DPP10: variants seen among roughly 807,000 people sequenced by gnomAD.
DPP10 encodes the protein inactive dipeptidyl peptidase 10.
DPP10 carries 33 observed loss-of-function variants against 120.9 expected under a neutral mutation model. The ratio of observed to expected loss-of-function variants is 0.27; its 90% CI spans 0.21 to 0.37. The LOEUF (loss-of-function observed/expected upper bound fraction) is 0.37. Ranked by LOEUF, DPP10 falls within the 10% of genes least tolerant of loss-of-function variation. The pLI is 1.00. For missense variants in DPP10, 816 were observed against 942.8 expected (o/e 0.87, Z 1.76); for synonymous variants, 337 against 326.1 (o/e 1.03, Z -0.36).
At chr2:115,196,825 T>C (rs1018181416) in intron 1 of DPP10, among the ~76,000 whole-genome samples, 2 of 152,182 alleles carry the variant, frequency 1.3e-5, no homozygotes, top group South Asian at 4.1e-4. Flanking sequence ...CTAACTGTCC[T>C]GAAGAAGCTT....
intron 1 of DPP10, among the ~76,000 whole-genome samples, chr2:114,572,307 T>C (rs567766306): frequency 1.8e-4 from 28 of 152,240 alleles, no homozygotes; most frequent in African/African-American, 6.0e-4. Flanking sequence ...CCTAGATGAG[T>C]ATGAAAACAG....
At chr2:114,939,873 T>C (rs1334129737) in intron 1 of DPP10, among the ~76,000 whole-genome samples, 1 of 152,170 alleles carries the variant, frequency 6.6e-6, no homozygotes, top group African/African-American at 2.4e-5. Flanking sequence ...AAATATTTGA[T>C]TTCAGTTTGT....
chr2:115,102,872 A>T lies in DPP10; in HGVS notation c.61-206367A>T, dbSNP rs116675176. On this transcript the variant is annotated intron_variant, in intron 1 of 25. Transcript: ENST00000410059. Reference sequence around the variant, plus strand: ...GACAGTGTCTGAAGCCGTGGCAGCCACTCTGTGGCTATGTAACAACAAACC... The same window carrying T: ...GACAGTGTCTGAAGCCGTGGCAGCCTCTCTGTGGCTATGTAACAACAAACC... Among the ~76,000 whole-genome samples the T allele has an allele frequency of 7.4e-3, 1,120 of 152,194 alleles. 10 individuals carry two copies. Among genetic ancestry groups the T allele is most frequent in the African/African-American group, 0.026 (1,074 of 41,524 alleles).
intron 19 of DPP10, among the ~76,000 whole-genome samples, chr2:115,811,526 AT>A (rs1326868579): frequency 6.6e-6 from 1 of 152,224 alleles, no homozygotes; most frequent in Non-Finnish European, 1.5e-5. Flanking sequence ...TGTCTGACTT[AT>A]TTACATTTTA....
intron 21 of DPP10, among the ~76,000 whole-genome samples, chr2:115,817,240 C>G (rs1575875738): frequency 8.4e-6 from 1 of 119,542 alleles, no homozygotes. Flanking sequence ...GAGCGAGACT[C>G]CGTCTCAAAA....
intron 7 of DPP10, among the ~76,000 whole-genome samples, chr2:115,723,947 A>G (rs1360570170): frequency 6.6e-6 from 1 of 152,190 alleles, no homozygotes; most frequent in Non-Finnish European, 1.5e-5. Context: ...CCATTTTCAA[A>G]TTTAAAATTG....
chr2:115,405,724 G>A (rs1174901703), intron 3 of DPP10, among the ~76,000 whole-genome samples: 3 of 152,188 alleles, frequency 2.0e-5, no homozygotes, highest in African/African-American at 4.8e-5. Context: ...CAAGGCTTAC[G>A]ACTTTTGCCT....
In DPP10 at chr2:114,443,394, C is replaced by A. The variant is rs527471032; in HGVS notation, c.60+556C>A. Among the ~76,000 whole-genome samples, 3 of 152,128 alleles carry A rather than the reference C, an allele frequency of 2.0e-5. No homozygotes were observed. In the East Asian group the frequency reaches 5.8e-4, roughly 29 times the overall value. ...TTTATATCACCATGTAACTCAAAAC[C>A]AGTGAGATGATTGGAGACACTCTTC... is the stretch of plus-strand genomic sequence containing the variant. On this transcript the variant is annotated intron_variant, in intron 1 of 25. Transcript: ENST00000410059.
intron 5 of DPP10, among the ~76,000 whole-genome samples, chr2:115,532,083 T>C (rs2078503168): frequency 6.6e-6 from 1 of 152,088 alleles, no homozygotes; most frequent in African/African-American, 2.4e-5. Flanking sequence ...ATAGATTATT[T>C]GTCTGATCAC....
intron 1 of DPP10, among the ~76,000 whole-genome samples, chr2:114,713,796 G>T (rs1280548067): frequency 6.6e-6 from 1 of 151,894 alleles, no homozygotes; most frequent in Non-Finnish European, 1.5e-5. Context: ...GACCAGCCTG[G>T]CCAACATGGT....
intron 3 of DPP10, among the ~76,000 whole-genome samples, chr2:115,386,563 C>T (rs2066947344): frequency 6.6e-6 from 1 of 152,104 alleles, no homozygotes; most frequent in Non-Finnish European, 1.5e-5. Flanking sequence ...GGAAACTAAC[C>T]ATAGATAATG....
At chr2:115,703,036 A>G (rs2091955246) in intron 7 of DPP10, among the ~76,000 whole-genome samples, 1 of 148,752 alleles carries the variant, frequency 6.7e-6, no homozygotes, top group Admixed American at 6.6e-5. Flanking sequence ...TAATAAAAAC[A>G]GAAAGTATAC....
At chr2:115,806,652 A>C (rs539508486) in intron 19 of DPP10, among the ~76,000 whole-genome samples, 1 of 152,310 alleles carries the variant, frequency 6.6e-6, no homozygotes, top group Admixed American at 6.5e-5. Context: ...TTATCAACCC[A>C]TTGCACACAT....
chr2:114,834,155 C>A (rs544933124), intron 1 of DPP10: 1 of 138,316 alleles, frequency 7.2e-6, no homozygotes, highest in African/African-American at 2.5e-5. Context: ...ATCTACGCAC[C>A]TATGTATATA....
chr2:115,384,970 C>A (rs2066808234), intron 3 of DPP10, among the ~76,000 whole-genome samples: 1 of 152,152 alleles, frequency 6.6e-6, no homozygotes, highest in Admixed American at 6.5e-5. Context: ...CTCATAAGAT[C>A]TGATAGGTTC....
chr2:115,347,125 G>T (rs1445295220), intron 3 of DPP10, among the ~76,000 whole-genome samples: 1 of 152,144 alleles, frequency 6.6e-6, no homozygotes, highest in East Asian at 1.9e-4. Flanking sequence ...TCACTTGGAA[G>T]ACTTTAGAAA....
chr2:115,344,638 T>A (rs2063622296), intron 3 of DPP10, among the ~76,000 whole-genome samples: 1 of 151,954 alleles, frequency 6.6e-6, no homozygotes, highest in African/African-American at 2.4e-5. Context: ...AATAAGAAAA[T>A]AAAACCACTG....
chr2:115,038,664 T>G (rs1395713776), intron 1 of DPP10, among the ~76,000 whole-genome samples: 2 of 152,174 alleles, frequency 1.3e-5, no homozygotes, highest in African/African-American at 2.4e-5. Flanking sequence ...TACTAACCAC[T>G]TTTACTACGT....
chr2:115,370,362 G>A (rs2065329093), intron 3 of DPP10, among the ~76,000 whole-genome samples: 1 of 152,060 alleles, frequency 6.6e-6, no homozygotes, highest in South Asian at 2.1e-4. Context: ...TATTAGGATG[G>A]AGTGAATCCA....
Sources: allele counts gnomAD v4.1 joint callset (sites outside exome capture counted in the v4.1 genomes callset), GRCh38; gene constraint gnomAD v4.1.1; transcripts MANE v1.5; gene names NCBI Gene and HGNC (gene_info 2026-07-23, HGNC 2026-07-21).